The following VPS53 variants were observed in gnomAD, a reference collection of about 807,000 sequenced individuals.
The protein encoded by VPS53 is VPS53 subunit of GARP complex.
In VPS53, 70 loss-of-function variants were observed where a neutral mutation model predicts 107.0. The ratio of observed to expected loss-of-function variants is 0.65; its 90% CI spans 0.54 to 0.80. The LOEUF is 0.80. Among genes scored for constraint, VPS53 ranks in the 30% least tolerant of loss-of-function variants. The probability of loss-of-function intolerance (pLI) is 0.00; values close to 1 mark genes in which losing one functional copy is unlikely to be tolerated. For missense variants in VPS53, 917 were observed against 1,049.4 expected (o/e 0.87, Z 1.74); for synonymous variants, 409 against 393.3 (o/e 1.04, Z -0.47).
chr17:657,073 A>G (rs1015654638), intron 5 of VPS53: 1 of 953,722 alleles, frequency 1.0e-6, no homozygotes, highest in African/African-American at 1.6e-5. Context: ...ACGTGATGAA[A>G]TCGGTCATCT....
At chr17:672,175 ATCTCTCTC>A (rs10539620) in intron 4 of VPS53, among the ~76,000 whole-genome samples, 273 of 107,150 alleles carry the variant, frequency 2.5e-3, no homozygotes, top group African/African-American at 4.6e-3. Context: ...CACAATCTCA[ATCTCTCTC>A]TCTCTCTCTC....
chr17:656,524 G>C (rs896303933), intron 5 of VPS53, among the ~76,000 whole-genome samples: 6 of 152,194 alleles, frequency 3.9e-5, no homozygotes, highest in African/African-American at 1.4e-4. Context: ...TGGGGAGTAA[G>C]AGCCTGACAG....
intron 4 of VPS53, among the ~76,000 whole-genome samples, chr17:678,176 G>C (rs1482439067): frequency 6.6e-6 from 1 of 152,162 alleles, no homozygotes; most frequent in African/African-American, 2.4e-5. Context: ...AGCACTTTGA[G>C]AGGTCAAATG....
At chr17:536,752 C>A in intron 18 of VPS53, 1 of 375,548 alleles carries the variant, frequency 2.7e-6, no homozygotes, top group Non-Finnish European at 4.9e-6. Context: ...GGCCACACGT[C>A]ACTGTACATT....
intron 5 of VPS53, chr17:657,114 C>A (rs1971225604): frequency 2.6e-6 from 3 of 1,142,706 alleles, no homozygotes; most frequent in Non-Finnish European, 4.0e-6. Context: ...TGAATGGTGT[C>A]ATTCACCTTG....
chr17:665,265 C>T (rs1182558211), intron 4 of VPS53, among the ~76,000 whole-genome samples: 2 of 152,060 alleles, frequency 1.3e-5, no homozygotes, highest in Admixed American at 6.5e-5. Flanking sequence ...AGAAGGCCCT[C>T]GCCGCAGGAC....
rs151036623 is a variant in VPS53, at chr17:683,749, G to A, written c.285+13669C>T. 1.8e-3 allele frequency among the ~76,000 whole-genome samples: 276 copies of A among 152,280 alleles called. 1 individual carries two copies. The highest frequency in any genetic ancestry group is 6.4e-3 in the African/African-American group (265 of 41,544). On this transcript the variant is annotated intron_variant, in intron 4 of 21. Transcript: ENST00000437048. ...GTGGTGGCACACGCCAATAGCCTCCGGCTACTCAGGAGGCTGAGGCAGGAA... is the reference window on the plus strand; with the variant it reads ...GTGGTGGCACACGCCAATAGCCTCCAGCTACTCAGGAGGCTGAGGCAGGAA...
chr17:678,065 G>A (rs984955922), intron 4 of VPS53, among the ~76,000 whole-genome samples: 2 of 152,090 alleles, frequency 1.3e-5, no homozygotes, highest in Non-Finnish European at 2.9e-5. Context: ...AGGCTGCAGT[G>A]AGCCATGATT....
At chr17:613,485 T>C (rs1205570253) in intron 11 of VPS53, among the ~76,000 whole-genome samples, 3 of 150,362 alleles carry the variant, frequency 2.0e-5, no homozygotes, top group African/African-American at 7.4e-5. Flanking sequence ...AATATTCACA[T>C]AGTGAGTTCA....
rs571397989 is a variant in VPS53, at chr17:563,681, C to T, written c.1314-936G>A. Among the ~76,000 whole-genome samples, 70 of 152,290 alleles carry T rather than the reference C, an allele frequency of 4.6e-4. 2 individuals are homozygous for T. In the South Asian group the frequency reaches 0.014, roughly 31 times the overall value. On this transcript the variant is annotated intron_variant, in intron 13 of 21. Coordinates refer to ENST00000437048, the MANE Select transcript of VPS53 (RefSeq NM_001128159.3). Reference sequence around the variant, plus strand: ...GAGTTAAGTACAGAAAAGTTGAGTACCTTGTCCAGAGTAATACAGCAAGAA... The same window carrying T: ...GAGTTAAGTACAGAAAAGTTGAGTATCTTGTCCAGAGTAATACAGCAAGAA...
chr17:557,511 A>G (rs1257351256), intron 15 of VPS53, among the ~76,000 whole-genome samples: 1 of 152,190 alleles, frequency 6.6e-6, no homozygotes, highest in Non-Finnish European at 1.5e-5. Context: ...TTGAGATGAC[A>G]CTAATAGTCT....
chr17:549,471 G>A (rs1475717990), intron 17 of VPS53, among the ~76,000 whole-genome samples: 1 of 152,086 alleles, frequency 6.6e-6, no homozygotes, highest in Non-Finnish European at 1.5e-5. Context: ...TGGGCACGGG[G>A]CAGAAGTGGA....
Position 515,651 on chromosome 17 carries a change from T to A in VPS53, c.*3477A>T, listed in dbSNP as rs1245344132. On this transcript the variant is annotated 3_prime_UTR_variant, in exon 22 of 22. Transcript: ENST00000437048. ...TGGCATTACAGGTGTGATGCCACAG[T>A]ACCCGGCCTAGGGTGCCCCTTTGAT... 6.6e-6 allele frequency: 1 copy of A among 152,096 alleles called. No homozygotes were observed. The highest frequency in any genetic ancestry group is 2.4e-5 in the African/African-American group (1 of 41,432). The allele number at this position is 152,096 out of a possible 1,614,324, so 9.4% of individuals were successfully genotyped here. A position where few individuals can be genotyped will look rare whatever the true frequency, so the allele number is the denominator to read the frequency against.
chr17:614,753 AC>A (rs1567676944), intron 11 of VPS53, among the ~76,000 whole-genome samples: 1 of 152,072 alleles, frequency 6.6e-6, no homozygotes, highest in African/African-American at 2.4e-5. Context: ...ACGCTCTTAC[AC>A]TCAAATTCCA....
At chr17:599,619 G>GGA (rs1968225964) in intron 12 of VPS53, among the ~76,000 whole-genome samples, 1 of 147,756 alleles carries the variant, frequency 6.8e-6, no homozygotes, top group Admixed American at 6.8e-5. Flanking sequence ...CACTGCGGAA[G>GGA]GCCTCAGGGT....
rs754729777 is a variant in VPS53 at position 623,594 on chromosome 17, G to A, written c.1055C>T (p.Thr352Ile). 2 of 1,614,012 alleles carry A rather than the reference G, an allele frequency of 1.2e-6. No individual in the cohort carries two copies. The highest frequency in any genetic ancestry group is 1.6e-4 in the Middle Eastern group (1 of 6,062). The change falls in exon 11 of 22, where the codon ACT becomes ATT. Residue 352 changes from threonine to isoleucine, a missense_variant. Physicochemically the swap from Thr to Ile is moderately conservative, Grantham distance 89. Coordinates refer to ENST00000437048, the MANE Select transcript of VPS53 (RefSeq NM_001128159.3). ...TTTTGCAAGAAACCCCTCAAAGTTAGTTGTTCTTTGAATAGCAAAAAGAAG... is the reference window on the plus strand; with the variant it reads ...TTTTGCAAGAAACCCCTCAAAGTTAATTGTTCTTTGAATAGCAAAAAGAAG... ...KLLLFAIQRT[T>I]NFEGFLAKRF... is the part of the protein sequence containing the mutation.
At chr17:657,726 C>T (rs1971249465) in intron 5 of VPS53, among the ~76,000 whole-genome samples, 1 of 151,964 alleles carries the variant, frequency 6.6e-6, no homozygotes, top group Non-Finnish European at 1.5e-5. Context: ...AGTAACTTGG[C>T]CATGAGTTCA....
intron 19 of VPS53, among the ~76,000 whole-genome samples, chr17:526,806 C>T (rs1370791266): frequency 6.6e-6 from 1 of 152,180 alleles, no homozygotes; most frequent in Non-Finnish European, 1.5e-5. Flanking sequence ...CCCTTTACTT[C>T]CCGAGGAGCC....
intron 17 of VPS53, among the ~76,000 whole-genome samples, chr17:545,492 C>T (rs908311153): frequency 2.6e-5 from 4 of 152,194 alleles, no homozygotes; most frequent in Admixed American, 6.5e-5. Context: ...ATGACCCCAC[C>T]GTCTCTCACA....
Sources: allele counts gnomAD v4.1 joint callset (sites outside exome capture counted in the v4.1 genomes callset), GRCh38; gene constraint gnomAD v4.1.1; transcripts MANE v1.5; gene names NCBI Gene and HGNC (gene_info 2026-07-23, HGNC 2026-07-21).